The following HAUS8 variants were observed in gnomAD, a reference collection of about 807,000 sequenced individuals.
The protein encoded by HAUS8 is HAUS augmin-like complex subunit 8.
A neutral mutation model predicts 42.9 loss-of-function variants in HAUS8; 38 were observed. The ratio of observed to expected loss-of-function variants is 0.89; its 90% CI spans 0.68 to 1.16. The LOEUF (loss-of-function observed/expected upper bound fraction) is 1.16. HAUS8 is among the 50% of genes most tolerant of loss of function. HAUS8 has a pLI of 0.00. For synonymous variants in HAUS8, 199 were observed against 205.8 expected, an observed-to-expected ratio of 0.97 and a Z score of 0.28; for missense variants, 494 against 511.6, an observed-to-expected ratio of 0.97 and a Z score of 0.33.
intron 4 of HAUS8, 137 bp from the exon 5 acceptor site, chr19:17,060,229 A>T: frequency 2.7e-5 from 6 of 225,852 alleles, no homozygotes; most frequent in South Asian, 1.4e-4. Flanking sequence ...AAAGGCTAAA[A>T]AAAAAAAAAA....
At position 17,049,830 on chromosome 19, in the gene HAUS8, GGTA is replaced by G; in HGVS notation, c.*40_*42del. On this transcript the variant is annotated 3_prime_UTR_variant, in exon 11 of 11. Coordinates refer to ENST00000253669, the MANE Select transcript of HAUS8 (RefSeq NM_033417.2). ...ACATAAAAAATAGCTACAGTGCTACGGTAGTATATAAAGTGCTCAAGTATCCTG... is the reference window on the plus strand; with the variant it reads ...ACATAAAAAATAGCTACAGTGCTACGGTATATAAAGTGCTCAAGTATCCTG... 1.5e-6 allele frequency: 2 copies of G among 1,313,192 alleles called. No individual in the cohort carries two copies. Among genetic ancestry groups the G allele is most frequent in the Non-Finnish European group, 2.0e-6 (2 of 992,794 alleles). 81.3% of individuals were successfully genotyped at this position (1,313,192 alleles called of 1,614,324 possible). A position where few individuals can be genotyped will look rare whatever the true frequency, so the allele number is the denominator to read the frequency against.
At chr19:17,060,930 T>C (rs2057356752) in intron 4 of HAUS8, among the ~76,000 whole-genome samples, 1 of 152,194 alleles carries the variant, frequency 6.6e-6, no homozygotes, top group Non-Finnish European at 1.5e-5. Context: ...AGCATGAGAC[T>C]ATTTCATGAA....
intron 4 of HAUS8, 149 bp from the exon 5 acceptor site, chr19:17,060,241 A>C (rs1004248102): frequency 2.5e-5 from 14 of 549,568 alleles, no homozygotes; most frequent in Non-Finnish European, 4.2e-5. Context: ...AAAAAAAAAA[A>C]AAAAAACCTG....
At chr19:17,075,185 C>T in intron 1 of HAUS8, 2 of 565,140 alleles carry the variant, frequency 3.5e-6, no homozygotes, top group Non-Finnish European at 6.3e-6. Flanking sequence ...GCGTCCCAGC[C>T]GAGGACGCGG....
At chr19:17,071,522 G>C (rs777715526) in intron 2 of HAUS8, among the ~76,000 whole-genome samples, 1 of 152,128 alleles carries the variant, frequency 6.6e-6, no homozygotes, top group Non-Finnish European at 1.5e-5. Context: ...GATGGTGATC[G>C]AACAGCTGAG....
chr19:17,056,560 C>T (rs932282685), intron 8 of HAUS8, among the ~76,000 whole-genome samples: 2 of 151,966 alleles, frequency 1.3e-5, no homozygotes, highest in African/African-American at 4.8e-5. Flanking sequence ...CACACACACA[C>T]AGACACACAT....
chr19:17,061,759 CT>C (rs1169159795), intron 4 of HAUS8, among the ~76,000 whole-genome samples: 1 of 152,190 alleles, frequency 6.6e-6, no homozygotes, highest in African/African-American at 2.4e-5. Context: ...TCTCCAGACA[CT>C]GCCTAAGCGT....
Position 17,058,603 on chromosome 19 carries a change from G to T in HAUS8, c.591C>A (p.Arg197=), listed in dbSNP as rs746732853. 6.8e-6 allele frequency: 11 copies of T among 1,613,476 alleles called. No homozygotes were observed. Among genetic ancestry groups the T allele is most frequent in the Non-Finnish European group, 8.5e-6 (10 of 1,179,826 alleles). The stretch of plus-strand genomic sequence containing the variant: ...GCTTCCTCTGAGAGAGGAGAAGCCT[G>T]CGCTTCAGCTCGTGGGCCTTTTTCT... ...KLQKKAHELK[R]RLLLSQRKRE... is the part of the protein sequence containing the mutation. Residue 197 remains arginine, a synonymous_variant, in exon 8 of 11, where the codon CGC becomes CGA. Transcript: ENST00000253669.
chr19:17,056,459 T>G (rs1355944951), intron 8 of HAUS8, among the ~76,000 whole-genome samples: 2 of 152,186 alleles, frequency 1.3e-5, no homozygotes, highest in African/African-American at 4.8e-5. Flanking sequence ...TCCCCCAAAT[T>G]TACTGATAGC....
At position 17,051,101 on chromosome 19, in the gene HAUS8, G is replaced by A. The variant is rs1276627911; in HGVS notation, c.930-925C>T. 3.9e-5 allele frequency among the ~76,000 whole-genome samples: 6 copies of A among 152,164 alleles called. No individual in the cohort carries two copies. The East Asian group carries it at 5.8e-4, about 15-fold the overall frequency. The stretch of plus-strand genomic sequence containing the variant: ...CCCAATGTGGCAGCAGCGAGAGGTG[G>A]GGCCTTTAAGAGGTAACTGGGTTCA... On this transcript the variant is annotated intron_variant, in intron 10 of 10. Transcript: ENST00000253669.
chr19:17,055,190 A>G lies in HAUS8; in HGVS notation c.787+671T>C, dbSNP rs1364888077. 1.3e-4 allele frequency: 10 copies of G among 78,782 alleles called. No homozygotes were observed. The Admixed American group carries it at 1.6e-3, about 12-fold the overall frequency. 4.9% of individuals were successfully genotyped at this position (78,782 alleles called of 1,614,324 possible). A position where few individuals can be genotyped will look rare whatever the true frequency, so the allele number is the denominator to read the frequency against. On this transcript the variant is annotated intron_variant, in intron 9 of 10. Transcript: ENST00000253669. ...TATATATATATATATATATATATATATAAGCCAGGTGTGGTGGTGCCCACG... is the reference window on the plus strand; with the variant it reads ...TATATATATATATATATATATATATGTAAGCCAGGTGTGGTGGTGCCCACG...
At chr19:17,069,127 G>A in intron 2 of HAUS8, 41 bp from the exon 3 acceptor site, 1 of 1,576,392 alleles carries the variant, frequency 6.3e-7, no homozygotes, top group Non-Finnish European at 8.7e-7. Context: ...AACTACAAAG[G>A]ACCGAAGACC....
At position 17,055,914 on chromosome 19, in the gene HAUS8, T is replaced by A; in HGVS notation, c.734A>T (p.His245Leu). ...TFATALDTTR[H>L]ELPVRSIHLE... The stretch of plus-strand genomic sequence containing the variant: ...GTGGATGGACCTCACGGGCAGCTCG[T>A]GCCTGGTAGTGTCCAGGGCCGTGGC... The change falls in exon 9 of 11, where the codon CAC (histidine) becomes CTC (leucine). Residue 245 changes from histidine to leucine, a missense_variant. Transcript: ENST00000253669. 1.2e-6 allele frequency: 2 copies of A among 1,614,210 alleles called. No homozygotes were observed. Among genetic ancestry groups the A allele is most frequent in the Non-Finnish European group, 1.7e-6 (2 of 1,180,034 alleles).
intron 3 of HAUS8, among the ~76,000 whole-genome samples, chr19:17,067,620 C>A (rs2057394759): frequency 6.6e-6 from 1 of 152,018 alleles, no homozygotes; most frequent in African/African-American, 2.4e-5. Context: ...CACACGGGGG[C>A]GCTGTAACCA....
chr19:17,069,864 C>T (rs2057410786), intron 2 of HAUS8, among the ~76,000 whole-genome samples: 1 of 152,114 alleles, frequency 6.6e-6, no homozygotes, highest in African/African-American at 2.4e-5. Context: ...GGAGACCCTC[C>T]CGCCACCACA....
At position 17,059,646 on chromosome 19, in the gene HAUS8, T is replaced by G; in HGVS notation, c.331A>C (p.Ser111Arg). The G allele has an allele frequency of 6.2e-7, 1 of 1,611,994 alleles. No individual in the cohort carries two copies. Residue 111 changes from serine to arginine, a missense_variant, in exon 6 of 11, where the codon AGC (serine) becomes CGC (arginine). Physicochemically the swap from Ser to Arg is moderately radical, Grantham distance 110. Transcript: ENST00000253669. ...AACTGTGGCGTCTTTTTGACGATGCTTTTGTCTAAGATAAAGCACAGCATT... is the reference window on the plus strand; with the variant it reads ...AACTGTGGCGTCTTTTTGACGATGCGTTTGTCTAAGATAAAGCACAGCATT... ...DLDLSAINDK[S>R]IVKKTPQLAK... is the part of the protein sequence containing the mutation.
At chr19:17,056,635 G>C (rs1479619204) in intron 8 of HAUS8, among the ~76,000 whole-genome samples, 1 of 152,020 alleles carries the variant, frequency 6.6e-6, no homozygotes, top group East Asian at 1.9e-4. Context: ...CTGTCTCCCA[G>C]GCTGGAGTGC....
chr19:17,051,753 G>C (rs1183854480), intron 10 of HAUS8: 1 of 142,218 alleles, frequency 7.0e-6, no homozygotes, highest in Non-Finnish European at 1.5e-5. Context: ...TTACAGCCTT[G>C]ACCTCCCCAG....
At chr19:17,073,420 C>A in intron 1 of HAUS8, 85 bp from the exon 2 acceptor site, 1 of 1,247,666 alleles carries the variant, frequency 8.0e-7, no homozygotes, top group East Asian at 2.3e-5. Context: ...CTAGTTGAAG[C>A]TCAGACAGCC....
Sources: allele counts gnomAD v4.1 joint callset (sites outside exome capture counted in the v4.1 genomes callset), GRCh38; gene constraint gnomAD v4.1.1; transcripts MANE v1.5; gene names NCBI Gene and HGNC (gene_info 2026-07-23, HGNC 2026-07-21).